Variants in STARD8 observed in about 807,000 individuals in gnomAD.
STARD8 encodes stAR-related lipid transfer protein 8.
STARD8 carries 25 observed loss-of-function variants against 69.4 expected under a neutral mutation model. The observed-to-expected ratio is 0.36, with a 90% CI of 0.26 to 0.50. STARD8 has a LOEUF of 0.50. STARD8 is among the 20% of genes least tolerant of loss of function. The pLI is 0.96. For synonymous variants in STARD8, 389 were observed against 374.6 expected, an observed-to-expected ratio of 1.04 and a Z score of -0.45; for missense variants, 921 against 932.5, an observed-to-expected ratio of 0.99 and a Z score of 0.16.
At chrX:68,704,047 G>A (rs1417044073) in intron 2 of STARD8, among the ~76,000 whole-genome samples, 1 of 111,743 alleles carries the variant, frequency 8.9e-6, no homozygotes, top group Non-Finnish European at 1.9e-5. Context: ...TGGGAAGTAG[G>A]GCTTCCTGTC....
At chrX:68,699,306 C>T (rs2079947717) in intron 2 of STARD8, among the ~76,000 whole-genome samples, 1 of 112,579 alleles carries the variant, frequency 8.9e-6, no homozygotes, top group Non-Finnish European at 1.9e-5. Context: ...CTAGGTCCAA[C>T]TTTCCTTCTG....
rs759281346 is a variant in STARD8, at chrX:68,725,694, A to G, written c.*1272A>G. On this transcript the variant is annotated 3_prime_UTR_variant, in exon 15 of 15. Transcript: ENST00000374599. ...CACGCATTTGCACAGACACACACAT[A>G]TATCAATTCTCATGAGTGTATTATA... 9.2e-6 allele frequency: 1 copy of G among 108,392 alleles called. No homozygotes were observed. Among genetic ancestry groups the G allele is most frequent in the South Asian group, 4.1e-4 (1 of 2,410 alleles). 8.9% of individuals were successfully genotyped at this position (108,392 alleles called of 1,213,427 possible). A position where few individuals can be genotyped will look rare whatever the true frequency, so the allele number is the denominator to read the frequency against.
At chrX:68,708,646 C>T (rs2080026626) in intron 2 of STARD8, among the ~76,000 whole-genome samples, 1 of 111,698 alleles carries the variant, frequency 9.0e-6, no homozygotes, top group African/African-American at 3.3e-5. Flanking sequence ...CATCTGGGCC[C>T]CTCCCCCAGG....
intron 2 of STARD8, among the ~76,000 whole-genome samples, chrX:68,711,371 A>C (rs755583462): frequency 2.1e-4 from 23 of 111,607 alleles, no homozygotes; most frequent in Middle Eastern, 9.3e-3. Flanking sequence ...AGTGATCCTC[A>C]TGAGTCATGG....
chrX:68,697,035 T>C (rs1282086489), intron 2 of STARD8, among the ~76,000 whole-genome samples: 1 of 111,980 alleles, frequency 8.9e-6, no homozygotes, highest in Non-Finnish European at 1.9e-5. Flanking sequence ...AATCCTGCCC[T>C]GTCCATACTC....
chrX:68,679,192 C>A (rs1436397070), intron 2 of STARD8, among the ~76,000 whole-genome samples: 1 of 111,820 alleles, frequency 8.9e-6, no homozygotes, highest in African/African-American at 3.3e-5. Flanking sequence ...TCGTTAGATG[C>A]AGACTTCTAC....
Position 68,647,713 on chromosome X carries a change from C to T in STARD8, c.-170C>T, listed in dbSNP as rs1262948187. The T allele has an allele frequency of 1.7e-6, 1 of 592,046 alleles. No individual in the cohort carries two copies. Among genetic ancestry groups the T allele is most frequent in the African/African-American group, 2.4e-5 (1 of 42,159 alleles). 48.8% of individuals were successfully genotyped at this position (592,046 alleles called of 1,213,427 possible). On this transcript the variant is annotated 5_prime_UTR_variant, in exon 1 of 15. Transcript: ENST00000374599. ...GGCGCCCGCTGTCGAGGCAGCTGAG[C>T]CCCGGCAACCGCTGCTCTCCGCCTC...
At chrX:68,717,115 C>T in intron 5 of STARD8, 97 bp from the exon 6 acceptor site, 1 of 1,079,164 alleles carries the variant, frequency 9.3e-7, no homozygotes, top group South Asian at 2.6e-5. Flanking sequence ...GGCCCTTCAC[C>T]TCAGAGTCCC....
intron 2 of STARD8, among the ~76,000 whole-genome samples, chrX:68,707,166 C>T (rs1344897778): frequency 1.8e-5 from 2 of 112,758 alleles, no homozygotes; most frequent in African/African-American, 3.2e-5. Context: ...CATCCTCTGG[C>T]GAGGGCCACG....
chrX:68,660,744 A>G (rs141809908), intron 1 of STARD8, among the ~76,000 whole-genome samples: 1,363 of 112,616 alleles, frequency 0.012, 29 homozygotes, highest in African/African-American at 0.042. Context: ...ATGGACTCCC[A>G]TGTACGTACA....
At chrX:68,694,721 G>A (rs1328212946) in intron 2 of STARD8, among the ~76,000 whole-genome samples, 1 of 111,644 alleles carries the variant, frequency 9.0e-6, no homozygotes, top group Non-Finnish European at 1.9e-5. Context: ...CTAACTGGCA[G>A]GTAAAAGGTT....
intron 5 of STARD8, 121 bp from the exon 6 acceptor site, chrX:68,717,091 C>T: frequency 9.6e-7 from 1 of 1,044,730 alleles, no homozygotes; most frequent in Non-Finnish European, 1.2e-6. Flanking sequence ...GCCATGTTCT[C>T]AGCCAGAAAG....
intron 1 of STARD8, among the ~76,000 whole-genome samples, chrX:68,657,249 T>C (rs1206996713): frequency 8.9e-6 from 1 of 111,975 alleles, no homozygotes; most frequent in Admixed American, 9.5e-5. Flanking sequence ...TCCCAAAGCC[T>C]GTTGAGATGT....
At chrX:68,688,772 C>T (rs1380250617) in intron 2 of STARD8, among the ~76,000 whole-genome samples, 1 of 106,063 alleles carries the variant, frequency 9.4e-6, no homozygotes, top group Admixed American at 1.0e-4. Context: ...GGCTCCCCAC[C>T]CTTCCTTTTT....
At chrX:68,653,272 CCACACCACACA>C (rs1569351208) in intron 1 of STARD8, among the ~76,000 whole-genome samples, 1 of 50,629 alleles carries the variant, frequency 2.0e-5, no homozygotes, top group African/African-American at 8.1e-5. Context: ...ACACCACACA[CCACACCACACA>C]CACACCACAC....
Position 68,715,316 on chromosome X carries a change from T to C in STARD8, c.174T>C (p.Ile58=). The change falls in exon 4 of 15, where the codon ATT becomes ATC. Residue 58 remains isoleucine, a synonymous_variant. Coordinates refer to ENST00000374599, the MANE Select transcript of STARD8 (RefSeq NM_001142503.3). The part of the protein sequence containing the change: ...LFEEGSFPLD[I]GSVKKNHGFL... ...CAGAAGGTTCGTTTCCCCTGGATAT[T>C]GGCTCTGTGAAGAAAAACCACGGTT... 8.3e-7 allele frequency: 1 copy of C among 1,208,748 alleles called. No homozygotes were observed. The highest frequency in any genetic ancestry group is 1.8e-5 in the South Asian group (1 of 56,057).
intron 2 of STARD8, chrX:68,693,849 G>A (rs771438520): frequency 3.2e-5 from 24 of 752,727 alleles, no homozygotes; most frequent in South Asian, 6.8e-5. Flanking sequence ...GCGACGGCAG[G>A]GGGAGATCCA....
In STARD8 at chrX:68,717,768, C is replaced by T. The variant is rs764376555; in HGVS notation, c.854C>T (p.Ser285Leu). Residue 285 changes from serine to leucine, a missense_variant, in exon 6 of 15, where the codon TCG becomes TTG. Coordinates refer to ENST00000374599, the MANE Select transcript of STARD8 (RefSeq NM_001142503.3). ...GCCTGGGAGGCCTGGCCTGTGGCCT[C>T]GTTCCGGCATCCTCAGTGGACACAC... Reference protein sequence around the residue: ...RKAWEAWPVASFRHPQWTHRG... With the variant: ...RKAWEAWPVALFRHPQWTHRG... The T allele has an allele frequency of 4.1e-6, 5 of 1,210,653 alleles. No individual in the cohort carries two copies. The highest frequency in any genetic ancestry group is 3.5e-5 in the African/African-American group (2 of 57,427).
chrX:68,688,809 A>T (rs1374079407), intron 2 of STARD8, among the ~76,000 whole-genome samples: 4 of 91,252 alleles, frequency 4.4e-5, no homozygotes, highest in Non-Finnish European at 8.8e-5. Flanking sequence ...GGCCCCAGGT[A>T]CCCCCCATCC....
Sources: gnomAD v4.1 joint callset for allele counts (sites outside exome capture counted in the v4.1 genomes callset) on GRCh38, gnomAD v4.1.1 for gene constraint, MANE v1.5 for transcripts, NCBI Gene and HGNC (gene_info 2026-07-23, HGNC 2026-07-21) for gene names.